ZNF136: variants seen among roughly 807,000 people sequenced by gnomAD.
The protein encoded by ZNF136 is zinc finger protein 136.
ZNF136 carries 8 observed loss-of-function variants against 11.4 expected under a neutral mutation model. The observed-to-expected ratio is 0.70, with a 90% CI of 0.41 to 1.27. ZNF136 has a LOEUF of 1.27. Ranked by LOEUF, ZNF136 falls within the 50% of genes most tolerant of loss-of-function variation. The probability of loss-of-function intolerance (pLI) is 0.01; values close to 1 mark genes in which losing one functional copy is unlikely to be tolerated. For missense variants in ZNF136, 590 were observed against 656.5 expected, an observed-to-expected ratio of 0.90 and a Z score of 1.11; for synonymous variants, 190 against 207.1, an observed-to-expected ratio of 0.92 and a Z score of 0.71.
chr19:12,175,745 T>G (rs1914774705), intron 1 of ZNF136, among the ~76,000 whole-genome samples: 1 of 152,242 alleles, frequency 6.6e-6, no homozygotes, highest in South Asian at 2.1e-4. Context: ...GTGACATTTC[T>G]GTTATGGTGT....
At position 12,185,801 on chromosome 19, in the gene ZNF136, A is replaced by T. The variant is rs1457471976; in HGVS notation, c.20A>T (p.Glu7Val). Residue 7 changes from glutamate to valine, a missense_variant, in exon 2 of 4, where the codon GAG becomes GTG. Coordinates refer to ENST00000343979, the MANE Select transcript of ZNF136 (RefSeq NM_003437.5). MDSVAFEDVDVNFTQEE... is the reference protein window; with the variant it reads MDSVAFVDVDVNFTQEE... Reference sequence around the variant, plus strand: ...ATGTTTCAGGACTCGGTGGCTTTTGAGGATGTAGATGTGAACTTCACCCAG... The same window carrying T: ...ATGTTTCAGGACTCGGTGGCTTTTGTGGATGTAGATGTGAACTTCACCCAG... The T allele has an allele frequency of 6.2e-7, 1 of 1,613,432 alleles. No individual in the cohort carries two copies. Among genetic ancestry groups the T allele is most frequent in the Admixed American group, 1.7e-5 (1 of 59,680 alleles).
At position 12,186,618 on chromosome 19, in the gene ZNF136, T is replaced by G. The variant is rs1401177305; in HGVS notation, c.240T>G (p.Arg80=). ...RLYQTKDGSQ[R]GGIFSQFANQ... ...ATCAAACTAAGGATGGTAGTCAGCG[T>G]GGAGGAATTTTTAGCCAGTTTGCAA... Residue 80 remains arginine, a synonymous_variant, in exon 4 of 4, where the codon CGT becomes CGG. Coordinates refer to ENST00000343979, the MANE Select transcript of ZNF136 (RefSeq NM_003437.5). 1 of 1,613,998 alleles carries G rather than the reference T, an allele frequency of 6.2e-7. No individual in the cohort carries two copies. Among genetic ancestry groups the G allele is most frequent in the Non-Finnish European group, 8.5e-7 (1 of 1,179,988 alleles).
At chr19:12,170,700 CTG>C (rs1914632720) in intron 1 of ZNF136, among the ~76,000 whole-genome samples, 1 of 150,134 alleles carries the variant, frequency 6.7e-6, no homozygotes, top group African/African-American at 2.5e-5. Flanking sequence ...GAGTCTCGCT[CTG>C]TCGCCAGGCC....
intron 1 of ZNF136, among the ~76,000 whole-genome samples, chr19:12,168,470 G>T (rs1430286834): frequency 6.6e-6 from 1 of 152,064 alleles, no homozygotes; most frequent in East Asian, 1.9e-4. Flanking sequence ...AGAGCTTCCT[G>T]GTTGGTGAAC....
intron 3 of ZNF136, 137 bp downstream of exon 3, chr19:12,186,311 T>C: frequency 1.0e-6 from 1 of 971,588 alleles, no homozygotes; most frequent in Non-Finnish European, 1.5e-6. Context: ...AAATACATAT[T>C]CTTCAGTGTA....
chr19:12,186,840 C>G lies in ZNF136; in HGVS notation c.462C>G (p.Ser154=). 6.2e-7 allele frequency: 1 copy of G among 1,614,138 alleles called. No individual in the cohort carries two copies. The highest frequency in any genetic ancestry group is 8.5e-7 in the Non-Finnish European group (1 of 1,180,010). The change falls in exon 4 of 4, where the codon TCC becomes TCG. Residue 154 remains serine (S), a synonymous_variant. Coordinates refer to ENST00000343979, the MANE Select transcript of ZNF136 (RefSeq NM_003437.5). ...QCWKPFSSHH[S]FRTHEIIHTG... ...GGAAACCCTTCAGTTCTCACCACTC[C>G]TTTCGAACACATGAGATAATTCACA...
chr19:12,179,018 A>G (rs879639312), intron 1 of ZNF136, among the ~76,000 whole-genome samples: 7 of 152,008 alleles, frequency 4.6e-5, no homozygotes, highest in Non-Finnish European at 7.4e-5. Flanking sequence ...GAAAGAAAAA[A>G]AAAAAAGAAA....
intron 1 of ZNF136, 28 bp downstream of exon 1, chr19:12,163,234 G>C: frequency 7.3e-7 from 1 of 1,378,032 alleles, no homozygotes; most frequent in Non-Finnish European, 9.5e-7. Context: ...TGCGTCCCGA[G>C]ACAGGGAGGA....
At chr19:12,167,383 T>G (rs1337398547) in intron 1 of ZNF136, among the ~76,000 whole-genome samples, 2 of 152,226 alleles carry the variant, frequency 1.3e-5, no homozygotes, top group Admixed American at 6.5e-5. Context: ...TTGTTCCCAC[T>G]GATCAGTGAA....
Position 12,187,923 on chromosome 19 carries a change from C to T in ZNF136, c.1545C>T (p.Cys515=). Reference sequence around the variant, plus strand: ...AGGAATGTGGGAAAGCCTATTCTTGCCGTGCCAGCTTTCAGAGACACATGT... The same window carrying T: ...AGGAATGTGGGAAAGCCTATTCTTGTCGTGCCAGCTTTCAGAGACACATGT... ...HCKECGKAYS[C]RASFQRHMLT... The change falls in exon 4 of 4, where the codon TGC becomes TGT. Residue 515 remains cysteine (C), a synonymous_variant. Coordinates refer to ENST00000343979, the MANE Select transcript of ZNF136 (RefSeq NM_003437.5). 1 of 1,574,646 alleles carries T rather than the reference C, an allele frequency of 6.4e-7. No individual in the cohort carries two copies. The highest frequency in any genetic ancestry group is 8.6e-7 in the Non-Finnish European group (1 of 1,166,414).
intron 1 of ZNF136, among the ~76,000 whole-genome samples, chr19:12,179,066 G>A (rs74804429): frequency 0.013 from 1,932 of 151,812 alleles, 29 homozygotes; most frequent in Middle Eastern, 0.041. Flanking sequence ...AATTTTAGGT[G>A]TGTTTTTTTC....
At chr19:12,176,849 G>C (rs1327364567) in intron 1 of ZNF136, among the ~76,000 whole-genome samples, 1 of 152,162 alleles carries the variant, frequency 6.6e-6, no homozygotes, top group Non-Finnish European at 1.5e-5. Flanking sequence ...GCAAGCACCT[G>C]TTTATGTCTC....
intron 1 of ZNF136, among the ~76,000 whole-genome samples, chr19:12,177,597 T>G (rs527393693): frequency 6.6e-6 from 1 of 152,314 alleles, no homozygotes; most frequent in African/African-American, 2.4e-5. Flanking sequence ...TCCACCTGTC[T>G]TGGCCTCCCA....
chr19:12,168,681 C>CT (rs370521601), intron 1 of ZNF136, among the ~76,000 whole-genome samples: 28 of 145,540 alleles, frequency 1.9e-4, no homozygotes, highest in South Asian at 2.2e-4. Context: ...TTGGGTCATC[C>CT]TTTTTTTTTT....
At chr19:12,174,929 C>T (rs1914753257) in intron 1 of ZNF136, among the ~76,000 whole-genome samples, 1 of 146,386 alleles carries the variant, frequency 6.8e-6, no homozygotes, top group Admixed American at 6.9e-5. Context: ...GTGATCTCAG[C>T]TCACTGCACC....
chr19:12,187,989 G>T lies in ZNF136; in HGVS notation c.1611G>T (p.Trp537Cys). ...AEDGPPYKCMWESL is the reference protein window; with the variant it reads ...AEDGPPYKCMCESL ...ATGGACCACCTTATAAATGCATGTG[G>T]GAAAGCCTTTAATGCTCTGGGTTCA... Residue 537 changes from tryptophan to cysteine, a missense_variant, in exon 4 of 4, where the codon TGG (tryptophan) becomes TGT (cysteine). Physicochemically the swap from Trp to Cys is radical, Grantham distance 215. Transcript: ENST00000343979. 6.6e-7 allele frequency: 1 copy of T among 1,523,436 alleles called. No individual in the cohort carries two copies. Among genetic ancestry groups the T allele is most frequent in the East Asian group, 2.3e-5 (1 of 44,226 alleles). 94.4% of individuals were successfully genotyped at this position (1,523,436 alleles called of 1,614,324 possible). A position where few individuals can be genotyped will look rare whatever the true frequency, so the allele number is the denominator to read the frequency against.
chr19:12,174,296 G>T (rs1447790750), intron 1 of ZNF136, among the ~76,000 whole-genome samples: 1 of 152,166 alleles, frequency 6.6e-6, no homozygotes, highest in African/African-American at 2.4e-5. Flanking sequence ...GAATAGCAAG[G>T]TGTGTTTTTT....
At chr19:12,176,579 A>G (rs1371731301) in intron 1 of ZNF136, among the ~76,000 whole-genome samples, 2 of 152,094 alleles carry the variant, frequency 1.3e-5, no homozygotes, top group Admixed American at 6.6e-5. Context: ...CATCTGCTTC[A>G]GCCTCCCAAA....
Position 12,187,469 on chromosome 19 carries a change from AT to A in ZNF136, c.1092del (p.Tyr364Ter). 6.2e-7 allele frequency: 1 copy of A among 1,614,016 alleles called. No individual in the cohort carries two copies. Among genetic ancestry groups the A allele is most frequent in the East Asian group, 2.2e-5 (1 of 44,830 alleles). ...HERTHTGEKP[Y>X]ECKECGEAFS... Reference sequence around the variant, plus strand: ...AGGACTCACACTGGAGAAAAACCTTATGAATGTAAGGAATGTGGGGAAGCAT... The same window carrying A: ...AGGACTCACACTGGAGAAAAACCTTAGAATGTAAGGAATGTGGGGAAGCAT... On this transcript the variant is annotated frameshift_variant, in exon 4 of 4. Coordinates refer to ENST00000343979, the MANE Select transcript of ZNF136 (RefSeq NM_003437.5). LOFTEE classifies it low-confidence loss of function (END_TRUNC).
Sources: allele counts gnomAD v4.1 joint callset (sites outside exome capture counted in the v4.1 genomes callset), GRCh38; gene constraint gnomAD v4.1.1; transcripts MANE v1.5; gene names NCBI Gene and HGNC (gene_info 2026-07-23, HGNC 2026-07-21).